ABL1: variants seen among roughly 807,000 people sequenced by gnomAD.
ABL1 encodes the protein ABL proto-oncogene 1, non-receptor tyrosine kinase.
ABL1 carries 11 observed loss-of-function variants against 94.7 expected under a neutral mutation model. That is an observed-to-expected ratio of 0.12 (90% CI 0.07 to 0.19). The LOEUF (loss-of-function observed/expected upper bound fraction) is 0.19, where lower values mean the gene tolerates loss of function less well. Ranked by LOEUF, ABL1 falls within the 10% of genes least tolerant of loss-of-function variation. The pLI is 1.00. For missense variants in ABL1, 1,082 were observed against 1,489.4 expected (o/e 0.73, Z 4.50); for synonymous variants, 656 against 622.4 (o/e 1.05, Z -0.80).
At chr9:130,771,407 C>T (rs1286969483) in intron 1 of ABL1, among the ~76,000 whole-genome samples, 2 of 152,080 alleles carry the variant, frequency 1.3e-5, no homozygotes, top group African/African-American at 2.4e-5. Context: ...AAGTAGGGTC[C>T]TGTCATTTTA....
chr9:130,872,749 C>T lies in ABL1; in HGVS notation c.908-111C>T. The T allele has an allele frequency of 8.6e-7, 1 of 1,168,910 alleles. No homozygotes were observed. The highest frequency in any genetic ancestry group is 1.2e-6 in the Non-Finnish European group (1 of 824,830). The allele number at this position is 1,168,910 out of a possible 1,614,324, so 72.4% of individuals were successfully genotyped here. A position where few individuals can be genotyped will look rare whatever the true frequency, so the allele number is the denominator to read the frequency against. On this transcript the variant is annotated intron_variant, in intron 5 of 10. Transcript: ENST00000318560. The surrounding 1 kb of genome is among the most constrained non-coding windows in gnomAD (Gnocchi z 5.0). The stretch of plus-strand genomic sequence containing the variant: ...CTTGGGACCATGTTGGAAGTTGGGC[C>T]CAGGACTGAGGAGCAGAGTCAGAAT...
chr9:130,883,877 G>A, intron 10 of ABL1, 92 bp from the exon 11 acceptor site: 1 of 1,439,996 alleles, frequency 6.9e-7, no homozygotes, highest in Non-Finnish European at 9.3e-7. Flanking sequence ...CTGGAGTGCA[G>A]CAGTGGCACT....
At position 130,884,405 on chromosome 9, in the gene ABL1, C is replaced by T. The variant is rs751479339; in HGVS notation, c.2115C>T (p.Gly705=). The T allele has an allele frequency of 2.2e-5, 35 of 1,611,812 alleles. No homozygotes were observed. The highest frequency in any genetic ancestry group is 8.8e-5 in the South Asian group (8 of 91,040). Residue 705 remains glycine (G), a synonymous_variant, in exon 11 of 11, where the codon GGC becomes GGT. Coordinates refer to ENST00000318560, the MANE Select transcript of ABL1 (RefSeq NM_005157.6). The surrounding 1 kb of genome is among the most constrained non-coding windows in gnomAD (Gnocchi z 5.6). ...GCCTAGCCACCGGCGAGGAGGAGGG[C>T]GGTGGCAGCTCCAGCAAGCGCTTCC... is the stretch of plus-strand genomic sequence containing the variant. ...SSRLATGEEE[G]GGSSSKRFLR...
At chr9:130,771,756 T>TTTCTTTC (rs1554762491) in intron 1 of ABL1, among the ~76,000 whole-genome samples, 37 of 71,938 alleles carry the variant, frequency 5.1e-4, no homozygotes, top group Non-Finnish European at 8.5e-4. Flanking sequence ...TTCTTTCTTT[T>TTTCTTTC]TTTTTTTTTT....
intron 1 of ABL1, among the ~76,000 whole-genome samples, chr9:130,757,502 C>T (rs1393262887): frequency 1.4e-5 from 2 of 147,826 alleles, no homozygotes; most frequent in South Asian, 4.2e-4. Flanking sequence ...GCAGAGGTTG[C>T]AGTGAACTAA....
chr9:130,714,526 A>C, intron 1 of ABL1: 1 of 1,592,092 alleles, frequency 6.3e-7, no homozygotes, highest in Non-Finnish European at 8.6e-7. Flanking sequence ...AGGAACTTTG[A>C]ACAACAGTAC....
chr9:130,785,665 G>A (rs1829816519), intron 1 of ABL1, among the ~76,000 whole-genome samples: 1 of 152,090 alleles, frequency 6.6e-6, no homozygotes, highest in Non-Finnish European at 1.5e-5. Flanking sequence ...GCTCACACCT[G>A]TAATCCCAGC....
At chr9:130,740,438 A>C (rs1419942091) in intron 1 of ABL1, among the ~76,000 whole-genome samples, 1 of 152,244 alleles carries the variant, frequency 6.6e-6, no homozygotes, top group Non-Finnish European at 1.5e-5. Context: ...CCCAGACATC[A>C]TCAGCTCCTT....
intron 1 of ABL1, among the ~76,000 whole-genome samples, chr9:130,810,007 G>A (rs1432626697): frequency 1.3e-5 from 2 of 152,200 alleles, no homozygotes; most frequent in African/African-American, 2.4e-5. Flanking sequence ...ATCTAGGACC[G>A]AGTGTGGTAA....
chr9:130,794,636 G>A lies in ABL1; in HGVS notation c.137-59428G>A, dbSNP rs1332487562. Among the ~76,000 whole-genome samples, 3 of 152,180 alleles carry A rather than the reference G, an allele frequency of 2.0e-5. No individual in the cohort carries two copies. The East Asian group carries it at 5.8e-4, about 29-fold the overall frequency. ...TGTTTTGATTACAGTCTTACTGGCT[G>A]TATTGGGTGAGACATTGGGAAATGC... On this transcript the variant is annotated intron_variant, in intron 1 of 10. Coordinates refer to the ABL1 transcript ENST00000372348.
At chr9:130,767,479 C>G (rs1158811946) in intron 1 of ABL1, among the ~76,000 whole-genome samples, 2 of 152,194 alleles carry the variant, frequency 1.3e-5, no homozygotes, top group African/African-American at 4.8e-5. Context: ...ATTACAGGTG[C>G]CTGCCACCAC....
At chr9:130,754,873 A>T (rs1328195536) in intron 1 of ABL1, among the ~76,000 whole-genome samples, 1 of 152,116 alleles carries the variant, frequency 6.6e-6, no homozygotes, top group Non-Finnish European at 1.5e-5. Context: ...GGGAGAGAAG[A>T]TATATTCAGG....
chr9:130,807,668 T>TTATATATATA (rs35665086), intron 1 of ABL1, among the ~76,000 whole-genome samples: 38 of 113,280 alleles, frequency 3.4e-4, no homozygotes, highest in African/African-American at 1.1e-3. Flanking sequence ...TTCCTTAATT[T>TTATATATATA]TATATATATA....
At chr9:130,860,216 C>A (rs1448603813) in intron 3 of ABL1, among the ~76,000 whole-genome samples, 1 of 152,162 alleles carries the variant, frequency 6.6e-6, no homozygotes, top group Non-Finnish European at 1.5e-5. Flanking sequence ...GAAGCACCAG[C>A]CTTGACTGTT....
chr9:130,826,753 T>C (rs1830430347), intron 1 of ABL1, among the ~76,000 whole-genome samples: 1 of 152,108 alleles, frequency 6.6e-6, no homozygotes, highest in African/African-American at 2.4e-5. Context: ...CCACCTCTCC[T>C]AACCACCTAC....
In ABL1 at chr9:130,730,452, T is replaced by C. The variant is rs142899751; in HGVS notation, c.136+15997T>C. On this transcript the variant is annotated intron_variant, in intron 1 of 10. Transcript: ENST00000372348. ...TGAGGTTAAGCACCTTTTCATATGTTTACTGGCCATTTGGAATATATGTGT... is the reference window on the plus strand; with the variant it reads ...TGAGGTTAAGCACCTTTTCATATGTCTACTGGCCATTTGGAATATATGTGT... Among the ~76,000 whole-genome samples, 57 of 152,352 alleles carry C rather than the reference T, an allele frequency of 3.7e-4. 1 individual carries two copies. The East Asian group carries it at 0.011, about 29-fold the overall frequency.
At chr9:130,728,993 C>T (rs1412873745) in intron 1 of ABL1, among the ~76,000 whole-genome samples, 1 of 152,068 alleles carries the variant, frequency 6.6e-6, no homozygotes, top group Non-Finnish European at 1.5e-5. Flanking sequence ...TTTGTTTTGA[C>T]AAGTAGTTAG....
chr9:130,884,689 A>T lies in ABL1; in HGVS notation c.2399A>T (p.Asp800Val). ...NEEAADEVFK[D>V]IMESSPGSSP... Reference sequence around the variant, plus strand: ...GAAGCTGCTGATGAGGTCTTCAAAGACATCATGGAGTCCAGCCCGGGCTCC... The same window carrying T: ...GAAGCTGCTGATGAGGTCTTCAAAGTCATCATGGAGTCCAGCCCGGGCTCC... The change falls in exon 11 of 11, where the codon GAC (aspartate) becomes GTC (valine). Residue 800 changes from aspartate (D) to valine (V), a missense_variant. Around this residue, in one of 7 missense-constraint regions of ABL1, gnomAD observed 780 missense variants for 835.8 expected, o/e 0.93. Transcript: ENST00000318560. This position sits in a 1 kb window ranked among gnomAD's most constrained non-coding sequence, Gnocchi z 5.6. The T allele has an allele frequency of 2.5e-6, 4 of 1,612,848 alleles. No homozygotes were observed. The highest frequency in any genetic ancestry group is 3.4e-6 in the Non-Finnish European group (4 of 1,179,970).
chr9:130,881,248 G>C (rs996869719), intron 10 of ABL1, among the ~76,000 whole-genome samples: 4 of 152,024 alleles, frequency 2.6e-5, no homozygotes, highest in African/African-American at 9.7e-5. Flanking sequence ...TACAGGCCAG[G>C]CTCTGTTCTA....
Sources: gnomAD v4.1 joint callset for allele counts (sites outside exome capture counted in the v4.1 genomes callset) on GRCh38, gnomAD v4.1.1 for gene constraint, gnomAD v4.1.1 regional missense constraint, Gnocchi (gnomAD v3.1) non-coding constraint, MANE v1.5 for transcripts, NCBI Gene and HGNC (gene_info 2026-07-23, HGNC 2026-07-21) for gene names.